Variants in SEMA3A observed in about 807,000 individuals in gnomAD.
SEMA3A encodes semaphorin 3A, also known as semaphorin-3A.
A neutral mutation model predicts 97.9 loss-of-function variants in SEMA3A; 29 were observed. The ratio of observed to expected loss-of-function variants is 0.30; its 90% CI spans 0.22 to 0.40. The LOEUF is 0.40. Among genes scored for constraint, SEMA3A ranks in the 10% least tolerant of loss-of-function variants. The pLI is 1.00. For synonymous variants in SEMA3A, 321 were observed against 323.7 expected (o/e 0.99, Z 0.09); for missense variants, 763 against 951.3 (o/e 0.80, Z 2.60).
chr7:84,489,799 G>GGAAGTTATTATAACTTCAC (rs1459890631), intron 1 of SEMA3A, among the ~76,000 whole-genome samples: 2 of 151,940 alleles, frequency 1.3e-5, no homozygotes, highest in Non-Finnish European at 2.9e-5. Flanking sequence ...TTCACTATAA[G>GGAAGTTATTATAACTTCAC]TGAACATGAA....
rs537684308 is a variant in SEMA3A, at chr7:84,049,112, T to C, written c.548-2669A>G. The stretch of plus-strand genomic sequence containing the variant: ...TTCAGTAAAAGAGCTACTCCATTTA[T>C]GACTAAAGGAGAATTAAACATGTGA... On this transcript the variant is annotated intron_variant, in intron 5 of 16. Coordinates refer to ENST00000265362, the MANE Select transcript of SEMA3A (RefSeq NM_006080.3). 1.1e-4 allele frequency among the ~76,000 whole-genome samples: 17 copies of C among 152,262 alleles called. 1 individual carries two copies. The highest frequency in any genetic ancestry group is 3.8e-4 in the African/African-American group (16 of 41,584).
chr7:84,266,268 T>G (rs1229127678), intron 3 of SEMA3A, among the ~76,000 whole-genome samples: 1 of 127,624 alleles, frequency 7.8e-6, no homozygotes, highest in Non-Finnish European at 1.5e-5. Context: ...TTGCAGTGAG[T>G]CAAGATCATG....
At chr7:84,409,888 C>T (rs943523751) in intron 1 of SEMA3A, among the ~76,000 whole-genome samples, 3 of 152,140 alleles carry the variant, frequency 2.0e-5, no homozygotes, top group African/African-American at 2.4e-5. Context: ...TTGCTTTCCA[C>T]GTTTCTCCTA....
intron 2 of SEMA3A, among the ~76,000 whole-genome samples, chr7:84,362,134 G>T (rs992363740): frequency 5.9e-5 from 9 of 152,014 alleles, no homozygotes; most frequent in Non-Finnish European, 1.2e-4. Context: ...ACCTTGGCCA[G>T]TCGTGGTGGC....
At chr7:84,186,485 A>G (rs1374297469) in intron 1 of SEMA3A, among the ~76,000 whole-genome samples, 3 of 152,188 alleles carry the variant, frequency 2.0e-5, no homozygotes, top group African/African-American at 4.8e-5. Context: ...CTTGAAATTC[A>G]AAGTTGAAGG....
intron 13 of SEMA3A, among the ~76,000 whole-genome samples, chr7:83,984,669 G>C (rs1789558017): frequency 7.8e-6 from 1 of 127,910 alleles, no homozygotes; most frequent in African/African-American, 3.0e-5. Context: ...AGAAAGTCTA[G>C]GTAACATTTA....
At chr7:84,063,174 G>C (rs548144305) in intron 4 of SEMA3A, among the ~76,000 whole-genome samples, 1 of 151,658 alleles carries the variant, frequency 6.6e-6, no homozygotes, top group South Asian at 2.1e-4. Flanking sequence ...CACCTCACAT[G>C]GCAGGGTATT....
chr7:84,333,088 T>C (rs1418536747), intron 2 of SEMA3A, among the ~76,000 whole-genome samples: 1 of 152,152 alleles, frequency 6.6e-6, no homozygotes, highest in Non-Finnish European at 1.5e-5. Context: ...TTGCTGGTCA[T>C]GATGGAGCAT....
At chr7:84,328,906 C>T (rs1364765886) in intron 2 of SEMA3A, among the ~76,000 whole-genome samples, 4 of 151,992 alleles carry the variant, frequency 2.6e-5, no homozygotes, top group Non-Finnish European at 4.4e-5. Context: ...ATAATTTCAA[C>T]TTCCTCTCAC....
chr7:84,320,966 C>A (rs1025730961), intron 2 of SEMA3A, among the ~76,000 whole-genome samples: 5 of 152,060 alleles, frequency 3.3e-5, no homozygotes, highest in Admixed American at 3.3e-4. Context: ...TATATACTGG[C>A]CATCAATATT....
intron 1 of SEMA3A, among the ~76,000 whole-genome samples, chr7:84,491,425 T>C (rs77537171): frequency 1.2e-3 from 182 of 152,254 alleles, no homozygotes; most frequent in African/African-American, 3.9e-3. Flanking sequence ...TGATCAGCTT[T>C]GTGCAGTGTT....
At chr7:84,222,090 C>T (rs991218825) in intron 3 of SEMA3A, among the ~76,000 whole-genome samples, 1 of 151,876 alleles carries the variant, frequency 6.6e-6, no homozygotes, top group Admixed American at 6.6e-5. Context: ...CATTTTTATA[C>T]CTCTGAGAGA....
intron 1 of SEMA3A, among the ~76,000 whole-genome samples, chr7:84,150,426 G>C (rs986343207): frequency 1.2e-4 from 18 of 152,200 alleles, no homozygotes; most frequent in African/African-American, 2.2e-4. Flanking sequence ...TGCCTCACTC[G>C]GGAAGCGCAA....
intron 3 of SEMA3A, among the ~76,000 whole-genome samples, chr7:84,208,653 G>C (rs1798556212): frequency 6.6e-6 from 1 of 152,132 alleles, no homozygotes; most frequent in African/African-American, 2.4e-5. Flanking sequence ...GTAGTTTCCA[G>C]TAATGTGTCA....
chr7:84,465,254 T>C (rs1208431146), intron 1 of SEMA3A, among the ~76,000 whole-genome samples: 3 of 152,176 alleles, frequency 2.0e-5, no homozygotes, highest in African/African-American at 7.2e-5. Context: ...AATAGCAGGA[T>C]CTTCAAACTG....
At chr7:84,087,996 G>A (rs560985138) in intron 4 of SEMA3A, among the ~76,000 whole-genome samples, 3 of 152,186 alleles carry the variant, frequency 2.0e-5, no homozygotes, top group South Asian at 2.1e-4. Context: ...CTGTTTTAGG[G>A]ATCTTGTAGC....
chr7:84,337,429 C>T (rs949694718), intron 2 of SEMA3A, among the ~76,000 whole-genome samples: 1 of 152,094 alleles, frequency 6.6e-6, no homozygotes, highest in African/African-American at 2.4e-5. Flanking sequence ...TAAAGTCATA[C>T]TCAAAGAAGA....
intron 1 of SEMA3A, among the ~76,000 whole-genome samples, chr7:84,192,004 T>C (rs1160354904): frequency 6.6e-6 from 1 of 151,914 alleles, no homozygotes; most frequent in Non-Finnish European, 1.5e-5. Context: ...GCAAAAATGA[T>C]AAGTAGAAAG....
At chr7:84,346,569 G>C (rs1334239139) in intron 2 of SEMA3A, among the ~76,000 whole-genome samples, 2 of 152,172 alleles carry the variant, frequency 1.3e-5, no homozygotes, top group Admixed American at 1.3e-4. Flanking sequence ...AAGGAGGTCT[G>C]AGGAAAGGGA....
Sources: gnomAD v4.1 joint callset for allele counts (sites outside exome capture counted in the v4.1 genomes callset) on GRCh38, gnomAD v4.1.1 for gene constraint, MANE v1.5 for transcripts, NCBI Gene and HGNC (gene_info 2026-07-23, HGNC 2026-07-21) for gene names.